LYPD6B: variants seen among roughly 807,000 people sequenced by gnomAD.
LYPD6B encodes ly6/PLAUR domain-containing protein 6B.
In LYPD6B, 17 loss-of-function variants were observed where a neutral mutation model predicts 22.8. That is an observed-to-expected ratio of 0.75 (90% CI 0.51 to 1.12). LYPD6B has a LOEUF of 1.12. LYPD6B is among the 50% of genes most tolerant of loss of function. The pLI, the probability that LYPD6B is intolerant of heterozygous loss-of-function variation, is 0.00. For missense variants in LYPD6B, 221 were observed against 258.3 expected, an observed-to-expected ratio of 0.86 and a Z score of 0.99; for synonymous variants, 106 against 91.6, an observed-to-expected ratio of 1.16 and a Z score of -0.90.
chr2:149,068,000 A>G (rs1170412745), intron 1 of LYPD6B, among the ~76,000 whole-genome samples: 1 of 152,174 alleles, frequency 6.6e-6, no homozygotes, highest in African/African-American at 2.4e-5. Flanking sequence ...CTGTTTTTCT[A>G]AGGTGAGTGG....
chr2:149,211,517 A>G (rs1378711118), intron 5 of LYPD6B, among the ~76,000 whole-genome samples: 6 of 152,102 alleles, frequency 3.9e-5, no homozygotes, highest in Non-Finnish European at 8.8e-5. Context: ...AACACAAGTT[A>G]TAGGAGTACC....
chr2:149,108,823 G>A (rs1686623193), intron 1 of LYPD6B, among the ~76,000 whole-genome samples: 5 of 151,724 alleles, frequency 3.3e-5, no homozygotes, highest in Admixed American at 2.6e-4. Context: ...TTCCATTTTA[G>A]CTTGTTTATT....
At chr2:149,077,917 G>A (rs2377511) in intron 1 of LYPD6B, among the ~76,000 whole-genome samples, 56,824 of 152,098 alleles carry the variant, frequency 0.37, 10,819 homozygotes, top group South Asian at 0.44. Context: ...ATCAAGTCCT[G>A]ATGGTGTAGC....
chr2:149,147,674 C>A (rs900726090), intron 2 of LYPD6B, among the ~76,000 whole-genome samples: 1 of 151,984 alleles, frequency 6.6e-6, no homozygotes, highest in Non-Finnish European at 1.5e-5. Context: ...CCACCACGCC[C>A]GGCTAATTTT....
rs1021000439 is a variant in LYPD6B, at chr2:149,097,665, G to C, written c.-66-33218G>C. Among the ~76,000 whole-genome samples, 2 of 152,162 alleles carry C rather than the reference G, an allele frequency of 1.3e-5. 1 individual carries two copies. The highest frequency in any genetic ancestry group is 3.8e-4 in the East Asian group (2 of 5,196). ...CTTGTACTCTCTTTTGGAAGATAGA[G>C]TAGATGTAATCAGGCATAATTATAA... On this transcript the variant is annotated intron_variant, in intron 1 of 6. Coordinates refer to ENST00000409642, the MANE Select transcript of LYPD6B (RefSeq NM_177964.5).
At chr2:149,100,759 T>C (rs1354631984) in intron 1 of LYPD6B, among the ~76,000 whole-genome samples, 1 of 152,248 alleles carries the variant, frequency 6.6e-6, no homozygotes, top group African/African-American at 2.4e-5. Context: ...TGTAAAAGGC[T>C]AAACAAATTC....
intron 2 of LYPD6B, among the ~76,000 whole-genome samples, chr2:149,144,467 C>T (rs1688889380): frequency 1.3e-5 from 2 of 152,208 alleles, no homozygotes; most frequent in Admixed American, 6.5e-5. Flanking sequence ...TCTTGGCTCA[C>T]TGTACTTTCC....
At chr2:149,214,505 C>G in intron 6 of LYPD6B, 41 bp from the exon 7 acceptor site, 1 of 1,595,772 alleles carries the variant, frequency 6.3e-7, no homozygotes, top group Non-Finnish European at 8.6e-7. Context: ...CTTCCCTCTT[C>G]TATTATTCAC....
intron 1 of LYPD6B, among the ~76,000 whole-genome samples, chr2:149,118,539 A>T (rs966971979): frequency 3.9e-5 from 6 of 152,212 alleles, no homozygotes; most frequent in African/African-American, 1.4e-4. Context: ...TGCATCCTCC[A>T]TCTGTCTCTG....
intron 1 of LYPD6B, among the ~76,000 whole-genome samples, chr2:149,079,076 T>TA (rs60944860): frequency 0.027 from 3,719 of 136,058 alleles, 144 homozygotes; most frequent in African/African-American, 0.086. Flanking sequence ...CTATTCAAAT[T>TA]AAAAAAAAAA....
chr2:149,084,611 A>G (rs1157023791), intron 1 of LYPD6B, among the ~76,000 whole-genome samples: 1 of 152,222 alleles, frequency 6.6e-6, no homozygotes, highest in African/African-American at 2.4e-5. Flanking sequence ...GATGCCAGGT[A>G]GGCTTGTTGC....
intron 3 of LYPD6B, chr2:149,187,392 T>C (rs1420827889): frequency 9.4e-6 from 14 of 1,491,444 alleles, no homozygotes; most frequent in Non-Finnish European, 1.2e-5. Flanking sequence ...GTCCCATGAC[T>C]TGATACAATT....
chr2:149,109,752 C>A (rs1282555517), intron 1 of LYPD6B, among the ~76,000 whole-genome samples: 2 of 152,094 alleles, frequency 1.3e-5, no homozygotes, highest in Non-Finnish European at 2.9e-5. Context: ...GGCTTTGTCA[C>A]CCAGGCTGTA....
At chr2:149,042,507 A>G (rs1683128095) in intron 1 of LYPD6B, among the ~76,000 whole-genome samples, 1 of 152,206 alleles carries the variant, frequency 6.6e-6, no homozygotes, top group Non-Finnish European at 1.5e-5. Flanking sequence ...TTTCAGCAAC[A>G]ATACTGCCAT....
intron 1 of LYPD6B, among the ~76,000 whole-genome samples, chr2:149,050,907 A>T (rs936277911): frequency 2.6e-5 from 4 of 152,154 alleles, no homozygotes; most frequent in Admixed American, 1.3e-4. Context: ...CTTATTACAA[A>T]GATGATATAT....
At chr2:149,059,680 C>G (rs1683981803) in intron 1 of LYPD6B, among the ~76,000 whole-genome samples, 1 of 152,218 alleles carries the variant, frequency 6.6e-6, no homozygotes. Context: ...AGGCACCCTG[C>G]TGACCCTGGG....
intron 1 of LYPD6B, among the ~76,000 whole-genome samples, chr2:149,063,870 ATATTT>A (rs1438643744): frequency 6.6e-6 from 1 of 152,236 alleles, no homozygotes. Context: ...ACAAGTTTGA[ATATTT>A]TAATTTAAAA....
intron 3 of LYPD6B, among the ~76,000 whole-genome samples, chr2:149,175,053 CTCTCTCTCTG>C (rs1383972561): frequency 3.0e-5 from 4 of 133,966 alleles, no homozygotes; most frequent in African/African-American, 1.1e-4. Context: ...CTCTCTCTCT[CTCTCTCTCTG>C]TGTGTGTGTG....
intron 3 of LYPD6B, among the ~76,000 whole-genome samples, chr2:149,165,155 G>A (rs1690341270): frequency 6.6e-6 from 1 of 152,108 alleles, no homozygotes; most frequent in African/African-American, 2.4e-5. Flanking sequence ...GCCTAGCTCA[G>A]CCTCCTTGAC....
Sources: allele counts gnomAD v4.1 joint callset (sites outside exome capture counted in the v4.1 genomes callset), GRCh38; gene constraint gnomAD v4.1.1; transcripts MANE v1.5; gene names NCBI Gene and HGNC (gene_info 2026-07-23, HGNC 2026-07-21).